TIMP2: variants seen among roughly 807,000 people sequenced by gnomAD.
TIMP2 encodes metalloproteinase inhibitor 2.
Under a neutral mutation model 24.3 loss-of-function variants are expected in TIMP2, and 5 were observed. The observed-to-expected ratio is 0.21, with a 90% CI of 0.11 to 0.43. The LOEUF is 0.43. Among genes scored for constraint, TIMP2 ranks in the 20% least tolerant of loss-of-function variants. The pLI is 1.00. For synonymous variants in TIMP2, 130 were observed against 123.2 expected (o/e 1.06, Z -0.37); for missense variants, 221 against 297.5 (o/e 0.74, Z 1.89).
At chr17:78,897,053 C>T (rs3744790) in intron 1 of TIMP2, 176,185 of 964,946 alleles carry the variant, frequency 0.18, 16,804 homozygotes, top group Middle Eastern at 0.2. Flanking sequence ...CCCAGGGACC[C>T]TCCACCCAGG....
rs2070005239 is a variant in TIMP2, at chr17:78,896,660, G to C, written c.131-22741C>G. Among the ~76,000 whole-genome samples the C allele has an allele frequency of 6.6e-6, 1 of 152,070 alleles. No homozygotes were observed. The highest frequency in any genetic ancestry group is 2.4e-5 in the African/African-American group (1 of 41,402). ...GAGCTGACAAGCCTGCCTTCTGCTG[G>C]CTGCCTTCAACCACTCAGAGAAACC... On this transcript the variant is annotated intron_variant, in intron 1 of 4. Transcript: ENST00000262768. The surrounding 1 kb of genome is among the most constrained non-coding windows in gnomAD (Gnocchi z 4.4).
At position 78,891,047 on chromosome 17, in the gene TIMP2, T is replaced by A. The variant is rs1176010248; in HGVS notation, c.131-17128A>T. The A allele has an allele frequency of 1.9e-6, 3 of 1,551,072 alleles. No individual in the cohort carries two copies. In the African/African-American group the frequency reaches 4.1e-5, roughly 21 times the overall value. ...GTCTGCCTGGTCTTGAAGGTGGAGC[T>A]GAAGGGAGCCCTCTGCCAGCGTGCC... On this transcript the variant is annotated intron_variant, in intron 1 of 4. Transcript: ENST00000262768. The surrounding 1 kb of genome is among the most constrained non-coding windows in gnomAD (Gnocchi z 4.5).
chr17:78,889,963 C>T (rs1052493666), intron 1 of TIMP2, among the ~76,000 whole-genome samples: 3 of 151,916 alleles, frequency 2.0e-5, no homozygotes, highest in Non-Finnish European at 2.9e-5. Context: ...ATTAAAAATA[C>T]AAAAAATTAG....
intron 1 of TIMP2, chr17:78,901,145 G>A (rs1324148451): frequency 6.5e-6 from 1 of 152,890 alleles, no homozygotes; most frequent in African/African-American, 2.4e-5. Flanking sequence ...GAGGGCTCAG[G>A]AAATGCCGAG....
Position 78,891,761 on chromosome 17 carries a change from GCCCCTTTGCTCCT to G in TIMP2, c.131-17855_131-17843del. 1 of 1,551,104 alleles carries G rather than the reference GCCCCTTTGCTCCT, an allele frequency of 6.4e-7. No homozygotes were observed. The highest frequency in any genetic ancestry group is 8.7e-7 in the Non-Finnish European group (1 of 1,147,110). ...GAGTGGGTTTGACCTTTCTAGGTCC[GCCCCTTTGCTCCT>G]CCGAGGATGGATGGCACAGCGGCCA... On this transcript the variant is annotated intron_variant, in intron 1 of 4. Transcript: ENST00000262768. This position sits in a 1 kb window ranked among gnomAD's most constrained non-coding sequence, Gnocchi z 4.5.
At chr17:78,861,383 G>C (rs1011728776) in intron 3 of TIMP2, among the ~76,000 whole-genome samples, 2 of 152,168 alleles carry the variant, frequency 1.3e-5, no homozygotes, top group Admixed American at 6.6e-5. Context: ...TACGTATAGA[G>C]AGTAAGGGCT....
rs2070333945 is a variant in TIMP2 at position 78,924,533 on chromosome 17, GCCCAGAGAAGCCCAACT to G, written c.130+409_130+425del. Among the ~76,000 whole-genome samples the G allele has an allele frequency of 2.0e-5, 3 of 151,894 alleles. No homozygotes were observed. Among genetic ancestry groups the G allele is most frequent in the African/African-American group, 7.2e-5 (3 of 41,390 alleles). ...GAAGCCCTTCCCCACCCAGCCCCAA[GCCCAGAGAAGCCCAACT>G]CCCACCTTATCTGCGAAAGTTTCTT... On this transcript the variant is annotated intron_variant, in intron 1 of 4. Transcript: ENST00000262768. This position sits in a 1 kb window ranked among gnomAD's most constrained non-coding sequence, Gnocchi z 5.3.
intron 1 of TIMP2, among the ~76,000 whole-genome samples, chr17:78,893,068 G>A (rs933224317): frequency 6.6e-6 from 1 of 151,610 alleles, no homozygotes; most frequent in Admixed American, 6.6e-5. Flanking sequence ...TGTGTGTGCA[G>A]GAGTGTGTGC....
chr17:78,906,859 A>G (rs2070163703), intron 1 of TIMP2, among the ~76,000 whole-genome samples: 1 of 152,134 alleles, frequency 6.6e-6, no homozygotes, highest in African/African-American at 2.4e-5. Flanking sequence ...CTGGGATTAC[A>G]GGCGTGAGCC....
chr17:78,861,726 C>CA (rs2069568648), intron 3 of TIMP2, among the ~76,000 whole-genome samples: 1 of 151,708 alleles, frequency 6.6e-6, no homozygotes, highest in South Asian at 2.1e-4. Context: ...CTTAGCCTCC[C>CA]AAAAAATTGG....
rs148934307 is a variant in TIMP2 at position 78,886,174 on chromosome 17, G to A, written c.131-12255C>T. Among the ~76,000 whole-genome samples the A allele has an allele frequency of 5.5e-3, 842 of 152,318 alleles. 7 individuals carry two copies. Among genetic ancestry groups the A allele is most frequent in the Middle Eastern group, 0.031 (9 of 294 alleles). ...GTGCAGGTGTGACCGTCCGGGCAGA[G>A]ATGAGTCACCCTCCACACTGTCTTG... On this transcript the variant is annotated intron_variant, in intron 1 of 4. Coordinates refer to ENST00000262768, the MANE Select transcript of TIMP2 (RefSeq NM_003255.5).
intron 1 of TIMP2, chr17:78,890,767 G>A (rs777697954): frequency 5.2e-6 from 8 of 1,550,508 alleles, no homozygotes; most frequent in South Asian, 1.2e-5. Flanking sequence ...CGTCGTCGGC[G>A]AGGCTGGTGC....
chr17:78,870,814 G>A (rs1475335053), intron 3 of TIMP2, 84 bp downstream of exon 3: 9 of 1,215,432 alleles, frequency 7.4e-6, no homozygotes, highest in Non-Finnish European at 1.1e-5. Context: ...CACCCCCCGA[G>A]CCTGGGAAAC....
chr17:78,896,052 T>A lies in TIMP2; in HGVS notation c.131-22133A>T, dbSNP rs1190694929. Among the ~76,000 whole-genome samples the A allele has an allele frequency of 6.6e-6, 1 of 152,140 alleles. No individual in the cohort carries two copies. Among genetic ancestry groups the A allele is most frequent in the Non-Finnish European group, 1.5e-5 (1 of 68,012 alleles). ...GCAAACGGGTAAAAACTTAACACAT[T>A]TGGGCAGAGATCTTTGGGATAAGTC... On this transcript the variant is annotated intron_variant, in intron 1 of 4. Transcript: ENST00000262768. This position sits in a 1 kb window ranked among gnomAD's most constrained non-coding sequence, Gnocchi z 4.4.
chr17:78,916,283 AC>A (rs1354619436), intron 1 of TIMP2, among the ~76,000 whole-genome samples: 1 of 151,998 alleles, frequency 6.6e-6, no homozygotes, highest in Non-Finnish European at 1.5e-5. Context: ...ACCCCCGCTC[AC>A]CCTGTTTGCT....
At chr17:78,880,245 C>T (rs1222909809) in intron 1 of TIMP2, among the ~76,000 whole-genome samples, 3 of 152,230 alleles carry the variant, frequency 2.0e-5, no homozygotes, top group African/African-American at 4.8e-5. Context: ...GCCATCAACA[C>T]GTGGGTCCTG....
At chr17:78,923,503 C>T (rs1028261798) in intron 1 of TIMP2, among the ~76,000 whole-genome samples, 1 of 152,038 alleles carries the variant, frequency 6.6e-6, no homozygotes, top group African/African-American at 2.4e-5. Context: ...TACATCCTGC[C>T]CCAGCACGTG....
At position 78,853,678 on chromosome 17, in the gene TIMP2, G is replaced by A. The variant is rs936555059; in HGVS notation, c.*1989C>T. 1 of 152,560 alleles carries A rather than the reference G, an allele frequency of 6.6e-6. No individual in the cohort carries two copies. Among genetic ancestry groups the A allele is most frequent in the African/African-American group, 2.4e-5 (1 of 41,436 alleles). The allele number at this position is 152,560 out of a possible 1,614,324, so 9.5% of individuals were successfully genotyped here. On this transcript the variant is annotated 3_prime_UTR_variant, in exon 5 of 5. Coordinates refer to ENST00000262768, the MANE Select transcript of TIMP2 (RefSeq NM_003255.5). ...TCCACTCTGGGTCAAATGCTTCCAC[G>A]ATGCAGAAACCTTTTTTTAAAAAAG...
intron 1 of TIMP2, among the ~76,000 whole-genome samples, chr17:78,889,776 G>A (rs535301830): frequency 7.2e-5 from 11 of 152,234 alleles, no homozygotes; most frequent in African/African-American, 1.7e-4. Context: ...AAACCCACAC[G>A]GGTTCCTATT....
Sources: gnomAD v4.1 joint callset for allele counts (sites outside exome capture counted in the v4.1 genomes callset) on GRCh38, gnomAD v4.1.1 for gene constraint, Gnocchi (gnomAD v3.1) non-coding constraint, MANE v1.5 for transcripts, NCBI Gene and HGNC (gene_info 2026-07-23, HGNC 2026-07-21) for gene names.